Variants in SIPA1L1 observed in about 807,000 individuals in gnomAD.
The protein encoded by SIPA1L1 is signal-induced proliferation-associated 1-like protein 1.
Under a neutral mutation model 162.7 loss-of-function variants are expected in SIPA1L1, and 26 were observed. The ratio of observed to expected loss-of-function variants is 0.16; its 90% CI spans 0.12 to 0.22. The LOEUF is 0.22. SIPA1L1 is among the 10% of genes least tolerant of loss of function. SIPA1L1 has a pLI of 1.00. For synonymous variants in SIPA1L1, 829 were observed against 837.4 expected (o/e 0.99, Z 0.17); for missense variants, 1,874 against 2,241.0 (o/e 0.84, Z 3.31).
chr14:71,547,525 C>T (rs1218894442), intron 4 of SIPA1L1, among the ~76,000 whole-genome samples: 2 of 152,020 alleles, frequency 1.3e-5, no homozygotes, highest in Admixed American at 6.6e-5. Flanking sequence ...AACTCCGTAC[C>T]TCAGGTGATC....
intron 2 of SIPA1L1, among the ~76,000 whole-genome samples, chr14:71,385,487 A>G (rs1261812862): frequency 1.3e-5 from 2 of 152,312 alleles, no homozygotes; most frequent in Non-Finnish European, 2.9e-5. Context: ...TAAAACCTCT[A>G]TTGAATAGCT....
intron 13 of SIPA1L1, among the ~76,000 whole-genome samples, chr14:71,692,204 A>T (rs2081301574): frequency 6.6e-6 from 1 of 152,234 alleles, no homozygotes; most frequent in Non-Finnish European, 1.5e-5. Flanking sequence ...TAAAAATTAG[A>T]TGATAGGTAA....
At position 71,455,638 on chromosome 14, in the gene SIPA1L1, A is replaced by T. The variant is rs1299421533; in HGVS notation, c.-464-57105A>T. Among the ~76,000 whole-genome samples, 4 of 152,196 alleles carry T rather than the reference A, an allele frequency of 2.6e-5. No homozygotes were observed. In the East Asian group the frequency reaches 7.7e-4, roughly 29 times the overall value. On this transcript the variant is annotated intron_variant, in intron 2 of 23. Transcript: ENST00000381232. ...TAATTTATATGTGGGACTTTGCTAA[A>T]GACTTTGGCATGTAGTATTTAATCT...
chr14:71,705,010 T>A, intron 15 of SIPA1L1: 1 of 611,266 alleles, frequency 1.6e-6, no homozygotes, highest in Non-Finnish European at 2.9e-6. Context: ...GTGTATGACG[T>A]GACAAGTTGT....
At chr14:71,522,074 ATTG>A (rs2052412758) in intron 3 of SIPA1L1, among the ~76,000 whole-genome samples, 1 of 152,136 alleles carries the variant, frequency 6.6e-6, no homozygotes, top group Admixed American at 6.5e-5. Context: ...GAAAATGTTT[ATTG>A]TTCTAGAAGG....
At chr14:71,355,668 A>G (rs2037169281) in intron 2 of SIPA1L1, among the ~76,000 whole-genome samples, 1 of 152,220 alleles carries the variant, frequency 6.6e-6, no homozygotes, top group East Asian at 1.9e-4. Context: ...TTAGGCAAAA[A>G]CCATTTTCTT....
intron 20 of SIPA1L1, 98 bp from the exon 21 acceptor site, chr14:71,733,568 A>G (rs1003650435): frequency 4.8e-6 from 6 of 1,249,490 alleles, no homozygotes; most frequent in Non-Finnish European, 6.8e-6. Context: ...AACAGTCACA[A>G]ATGGCTTACA....
At chr14:71,519,672 TA>T (rs77789357) in intron 3 of SIPA1L1, among the ~76,000 whole-genome samples, 27,023 of 146,998 alleles carry the variant, frequency 0.18, 2,986 homozygotes, top group Middle Eastern at 0.37. Context: ...ACAAATAAAT[TA>T]AAAAAAAAAA....
chr14:71,500,835 C>A (rs2050150539), intron 2 of SIPA1L1, among the ~76,000 whole-genome samples: 2 of 151,486 alleles, frequency 1.3e-5, no homozygotes, highest in African/African-American at 4.8e-5. Context: ...GGAGAAACCC[C>A]ATCTCTACTA....
intron 2 of SIPA1L1, among the ~76,000 whole-genome samples, chr14:71,353,423 G>A (rs1183181785): frequency 6.6e-6 from 1 of 152,222 alleles, no homozygotes; most frequent in Non-Finnish European, 1.5e-5. Context: ...GACATGGCTA[G>A]TAATGGAGGA....
At chr14:71,734,102 A>G (rs1566762098) in intron 21 of SIPA1L1, among the ~76,000 whole-genome samples, 1 of 152,270 alleles carries the variant, frequency 6.6e-6, no homozygotes, top group Non-Finnish European at 1.5e-5. Context: ...TCCCTTGACT[A>G]AAAAGAACAT....
At chr14:71,641,331 T>G (rs1189603037) in intron 7 of SIPA1L1, among the ~76,000 whole-genome samples, 1 of 131,688 alleles carries the variant, frequency 7.6e-6, no homozygotes, top group Non-Finnish European at 1.6e-5. Flanking sequence ...TTGCTGAAAA[T>G]AAAAGAAAAA....
intron 2 of SIPA1L1, among the ~76,000 whole-genome samples, chr14:71,478,849 C>T (rs1178612671): frequency 6.6e-6 from 1 of 152,130 alleles, no homozygotes; most frequent in African/African-American, 2.4e-5. Flanking sequence ...ATCAGAGCTC[C>T]TCTGATCAGA....
chr14:71,692,879 G>A (rs959570021), intron 13 of SIPA1L1, among the ~76,000 whole-genome samples: 1 of 152,154 alleles, frequency 6.6e-6, no homozygotes, highest in Non-Finnish European at 1.5e-5. Context: ...GCACCAGGAG[G>A]GTAGGCTGTG....
intron 2 of SIPA1L1, among the ~76,000 whole-genome samples, chr14:71,376,709 G>C (rs2039403361): frequency 6.6e-6 from 1 of 152,064 alleles, no homozygotes; most frequent in Non-Finnish European, 1.5e-5. Context: ...AGAGGACCCT[G>C]CGGCCTTCCT....
At chr14:71,644,262 G>T (rs1263892689) in intron 7 of SIPA1L1, among the ~76,000 whole-genome samples, 1 of 149,152 alleles carries the variant, frequency 6.7e-6, no homozygotes, top group Non-Finnish European at 1.5e-5. Context: ...AGACAGGGTT[G>T]CACTCTATTG....
chr14:71,490,271 A>T (rs767077602), intron 2 of SIPA1L1, among the ~76,000 whole-genome samples: 6 of 152,048 alleles, frequency 3.9e-5, no homozygotes, highest in Non-Finnish European at 8.8e-5. Context: ...ATTTATTTTG[A>T]TGTAGGAAAA....
At chr14:71,440,097 C>G (rs373549633) in intron 2 of SIPA1L1, among the ~76,000 whole-genome samples, 1 of 152,150 alleles carries the variant, frequency 6.6e-6, no homozygotes, top group African/African-American at 2.4e-5. Flanking sequence ...GCCATCTCAG[C>G]TTACTGCAAC....
intron 12 of SIPA1L1, among the ~76,000 whole-genome samples, chr14:71,684,741 C>T (rs1266816735): frequency 6.6e-6 from 1 of 151,342 alleles, no homozygotes. Context: ...GGAGCCCAGT[C>T]AAGATGTGCA....
Sources: gnomAD v4.1 joint callset for allele counts (sites outside exome capture counted in the v4.1 genomes callset) on GRCh38, gnomAD v4.1.1 for gene constraint, MANE v1.5 for transcripts, NCBI Gene and HGNC (gene_info 2026-07-23, HGNC 2026-07-21) for gene names.